The following PARD3B variants were observed in gnomAD, a reference collection of about 807,000 sequenced individuals.
PARD3B encodes the protein par-3 family cell polarity regulator beta, also known as partitioning defective 3 homolog B.
A neutral mutation model predicts 130.2 loss-of-function variants in PARD3B; 103 were observed. That is an observed-to-expected ratio of 0.79 (90% confidence interval 0.67 to 0.93). The LOEUF is 0.93. Ranked by LOEUF, PARD3B falls within the 40% of genes least tolerant of loss-of-function variation. The pLI is 0.00. For missense variants in PARD3B, 1,609 were observed against 1,499.2 expected (o/e 1.07, Z -1.21); for synonymous variants, 583 against 553.2 (o/e 1.05, Z -0.76).
rs2043998292 is a variant in PARD3B at position 204,835,559 on chromosome 2, A to G, written c.223-129593A>G. Among the ~76,000 whole-genome samples, 3 of 152,116 alleles carry G rather than the reference A, an allele frequency of 2.0e-5. No individual in the cohort carries two copies. In the South Asian group the frequency reaches 6.2e-4, roughly 32 times the overall value. On this transcript the variant is annotated intron_variant, in intron 2 of 22. Transcript: ENST00000406610. Reference sequence around the variant, plus strand: ...CCCTTCCCCAAACTTGTATTGGGAAAGCAGTTTGATGGTTGGAAAGGGTGG... The same window carrying G: ...CCCTTCCCCAAACTTGTATTGGGAAGGCAGTTTGATGGTTGGAAAGGGTGG...
intron 15 of PARD3B, among the ~76,000 whole-genome samples, chr2:205,221,389 A>G (rs1471260653): frequency 6.6e-6 from 1 of 152,218 alleles, no homozygotes; most frequent in Non-Finnish European, 1.5e-5. Flanking sequence ...AGTTAGTACG[A>G]AAAACGACTT....
At position 205,446,292 on chromosome 2, in the gene PARD3B, G is replaced by A. The variant is rs1001723750; in HGVS notation, c.3044+5620G>A. On this transcript the variant is annotated intron_variant, in intron 20 of 22. Coordinates refer to ENST00000406610, the MANE Select transcript of PARD3B (RefSeq NM_001302769.2). This position sits in a 1 kb window ranked among gnomAD's most constrained non-coding sequence, Gnocchi z 4.4. Reference sequence around the variant, plus strand: ...GGGAGGTGGGGCAGGGTTTGGGTTGGAGAAGAGCTCGCTGAGGGGAAGAAC... The same window carrying A: ...GGGAGGTGGGGCAGGGTTTGGGTTGAAGAAGAGCTCGCTGAGGGGAAGAAC... 5.9e-5 allele frequency among the ~76,000 whole-genome samples: 9 copies of A among 152,088 alleles called. No individual in the cohort carries two copies. Among genetic ancestry groups the A allele is most frequent in the Admixed American group, 2.0e-4 (3 of 15,268 alleles).
intron 16 of PARD3B, among the ~76,000 whole-genome samples, chr2:205,275,198 A>G (rs2105813324): frequency 6.6e-6 from 1 of 152,144 alleles, no homozygotes; most frequent in South Asian, 2.1e-4. Flanking sequence ...GAAAAATTAA[A>G]AAAAAAAAAA....
chr2:205,492,626 A>T (rs2049761809), intron 20 of PARD3B, among the ~76,000 whole-genome samples: 1 of 152,166 alleles, frequency 6.6e-6, no homozygotes, highest in South Asian at 2.1e-4. Context: ...TAAACAGTGA[A>T]AAATCTTATT....
intron 20 of PARD3B, among the ~76,000 whole-genome samples, chr2:205,491,670 G>A (rs1453064536): frequency 6.6e-6 from 1 of 152,124 alleles, no homozygotes; most frequent in Non-Finnish European, 1.5e-5. Flanking sequence ...CCAGCCCAGG[G>A]TTAAGATTTC....
intron 16 of PARD3B, chr2:205,293,641 G>A (rs1038584536): frequency 3.3e-5 from 5 of 152,158 alleles, no homozygotes; most frequent in African/African-American, 1.2e-4. Flanking sequence ...ATTATGGGTA[G>A]GGCAGTAATT....
At chr2:204,837,203 G>C (rs2044071140) in intron 2 of PARD3B, among the ~76,000 whole-genome samples, 1 of 151,904 alleles carries the variant, frequency 6.6e-6, no homozygotes. Context: ...TAAATACTAA[G>C]ACTATATAAA....
chr2:204,851,789 T>C (rs572433247), intron 2 of PARD3B, among the ~76,000 whole-genome samples: 2 of 152,164 alleles, frequency 1.3e-5, no homozygotes, highest in East Asian at 3.9e-4. Flanking sequence ...GCCTCCAGGC[T>C]TCAAGTGATT....
At chr2:205,045,201 A>G (rs953971737) in intron 3 of PARD3B, among the ~76,000 whole-genome samples, 3 of 150,418 alleles carry the variant, frequency 2.0e-5, no homozygotes, top group African/African-American at 7.3e-5. Context: ...ATACTATGGC[A>G]TATTGATTGA....
chr2:205,050,423 C>CTG (rs1020841284), intron 4 of PARD3B, among the ~76,000 whole-genome samples: 3 of 151,484 alleles, frequency 2.0e-5, no homozygotes, highest in African/African-American at 7.3e-5. Context: ...TGTGTTATAA[C>CTG]TGTTAATATA....
chr2:205,352,444 G>A lies in PARD3B; in HGVS notation c.2631-48569G>A, dbSNP rs1305600300. Among the ~76,000 whole-genome samples, 1 of 152,164 alleles carries A rather than the reference G, an allele frequency of 6.6e-6. No homozygotes were observed. The highest frequency in any genetic ancestry group is 1.5e-5 in the Non-Finnish European group (1 of 68,030). On this transcript the variant is annotated intron_variant, in intron 18 of 22. Transcript: ENST00000406610. This position sits in a 1 kb window ranked among gnomAD's most constrained non-coding sequence, Gnocchi z 5.2. ...AAGATAATTAACTTCACAGTTCTAA[G>A]TCAGATCTATGCCAGTCACAGAATG...
At chr2:204,851,492 C>A (rs2044705192) in intron 2 of PARD3B, among the ~76,000 whole-genome samples, 1 of 152,088 alleles carries the variant, frequency 6.6e-6, no homozygotes, top group South Asian at 2.1e-4. Context: ...TGAATGTAAA[C>A]TTTATTTTAC....
intron 2 of PARD3B, among the ~76,000 whole-genome samples, chr2:204,714,621 A>C (rs2038631654): frequency 6.6e-6 from 1 of 152,244 alleles, no homozygotes; most frequent in African/African-American, 2.4e-5. Flanking sequence ...TTATTTCCAA[A>C]GAGGAAAACC....
Position 205,128,168 on chromosome 2 carries a change from A to AT in PARD3B, c.1434+2432dup, listed in dbSNP as rs1320265510. 1.3e-5 allele frequency among the ~76,000 whole-genome samples: 2 copies of AT among 152,312 alleles called. No homozygotes were observed. The highest frequency in any genetic ancestry group is 3.9e-4 in the East Asian group (2 of 5,184). On this transcript the variant is annotated intron_variant, in intron 10 of 22. Coordinates refer to ENST00000406610, the MANE Select transcript of PARD3B (RefSeq NM_001302769.2). The surrounding 1 kb of genome is among the most constrained non-coding windows in gnomAD (Gnocchi z 4.5). ...CCATTGAACTGTGGTCCTGGAAGAA[A>AT]TAAAACCCTGCATAAAAACAGAAAT...
chr2:204,958,279 T>C (rs1226969638), intron 2 of PARD3B, among the ~76,000 whole-genome samples: 4 of 152,218 alleles, frequency 2.6e-5, no homozygotes, highest in Non-Finnish European at 5.9e-5. Context: ...CCATGAATAT[T>C]GAGAGACTCT....
At chr2:204,694,203 G>A (rs1043620463) in intron 2 of PARD3B, among the ~76,000 whole-genome samples, 3 of 152,014 alleles carry the variant, frequency 2.0e-5, no homozygotes, top group African/African-American at 7.2e-5. Flanking sequence ...TCAAGATCAA[G>A]GTGAAATTGT....
intron 2 of PARD3B, among the ~76,000 whole-genome samples, chr2:204,791,495 T>C (rs1431085318): frequency 6.6e-6 from 1 of 152,202 alleles, no homozygotes; most frequent in Non-Finnish European, 1.5e-5. Context: ...TTTACTCTAC[T>C]TCCCAAAATA....
Position 205,590,613 on chromosome 2 carries a change from A to G in PARD3B, c.3261-24843A>G, listed in dbSNP as rs2054353022. 6.6e-6 allele frequency among the ~76,000 whole-genome samples: 1 copy of G among 152,174 alleles called. No individual in the cohort carries two copies. The highest frequency in any genetic ancestry group is 6.5e-5 in the Admixed American group (1 of 15,278). ...CACATGGACTGAGAGTGGGCATGGA[A>G]TGATTCCCAAAAGAACAGAAGGCTG... On this transcript the variant is annotated intron_variant, in intron 22 of 22. Transcript: ENST00000406610. This position sits in a 1 kb window ranked among gnomAD's most constrained non-coding sequence, Gnocchi z 4.1.
chr2:205,390,999 G>T (rs1238037571), intron 18 of PARD3B, among the ~76,000 whole-genome samples: 6 of 152,160 alleles, frequency 3.9e-5, no homozygotes, highest in Non-Finnish European at 8.8e-5. Flanking sequence ...GACCCCATTT[G>T]CCTGTCAATG....
Sources: allele counts gnomAD v4.1 joint callset (sites outside exome capture counted in the v4.1 genomes callset), GRCh38; gene constraint gnomAD v4.1.1; non-coding constraint Gnocchi (gnomAD v3.1); transcripts MANE v1.5; gene names NCBI Gene and HGNC (gene_info 2026-07-23, HGNC 2026-07-21).